METTL16: variants seen among roughly 807,000 people sequenced by gnomAD.
The protein encoded by METTL16 is methyltransferase 16, RNA N6-adenosine.
Under a neutral mutation model 57.9 loss-of-function variants are expected in METTL16, and 19 were observed. That is an observed-to-expected ratio of 0.33 (90% confidence interval 0.23 to 0.48). METTL16 has a LOEUF of 0.48. Among genes scored for constraint, METTL16 ranks in the 20% least tolerant of loss-of-function variants. The pLI is 0.99. For missense variants in METTL16, 434 were observed against 691.5 expected (o/e 0.63, Z 4.18); for synonymous variants, 246 against 255.6 (o/e 0.96, Z 0.36).
intron 2 of METTL16, among the ~76,000 whole-genome samples, chr17:2,484,827 T>C (rs573152936): frequency 1.3e-5 from 2 of 152,176 alleles, no homozygotes; most frequent in Non-Finnish European, 2.9e-5. Context: ...TTGTGTGGAT[T>C]TGCCAGCCCG....
chr17:2,465,315 G>A (rs931727950), intron 5 of METTL16, among the ~76,000 whole-genome samples: 3 of 151,202 alleles, frequency 2.0e-5, no homozygotes, highest in Non-Finnish European at 4.4e-5. Context: ...AGGCCGAGGC[G>A]GGAGGATCAC....
rs547538932 is a variant in METTL16, at chr17:2,504,637, C to T, written c.1-2306G>A. 7.2e-5 allele frequency among the ~76,000 whole-genome samples: 11 copies of T among 152,298 alleles called. No homozygotes were observed. The East Asian group carries it at 2.1e-3, about 29-fold the overall frequency. On this transcript the variant is annotated intron_variant, in intron 1 of 9. Transcript: ENST00000263092. ...GTAGCACAATCATACCTCACTGCAG[C>T]CTCAATCTCCCATGCTCAAACAGTC... is the stretch of plus-strand genomic sequence containing the variant.
intron 5 of METTL16, among the ~76,000 whole-genome samples, chr17:2,466,701 A>T (rs1364116364): frequency 6.6e-6 from 1 of 152,204 alleles, no homozygotes; most frequent in African/African-American, 2.4e-5. Flanking sequence ...AATAATTCCT[A>T]GATTAGTTAT....
intron 3 of METTL16, among the ~76,000 whole-genome samples, chr17:2,474,751 C>A (rs2067258505): frequency 6.6e-6 from 1 of 152,172 alleles, no homozygotes; most frequent in South Asian, 2.1e-4. Context: ...CATGGTGAAA[C>A]CCCATCTCTA....
At chr17:2,466,329 A>T (rs2067196202) in intron 5 of METTL16, among the ~76,000 whole-genome samples, 1 of 152,098 alleles carries the variant, frequency 6.6e-6, no homozygotes, top group South Asian at 2.1e-4. Flanking sequence ...TGGTTTAGGG[A>T]AGAAAAAAGC....
chr17:2,497,509 C>T (rs2067455396), intron 2 of METTL16, among the ~76,000 whole-genome samples: 1 of 150,982 alleles, frequency 6.6e-6, no homozygotes, highest in Non-Finnish European at 1.5e-5. Flanking sequence ...GAAGGGGTCT[C>T]TCCATGTTGC....
chr17:2,486,356 A>T (rs1423690411), intron 2 of METTL16, among the ~76,000 whole-genome samples: 1 of 150,718 alleles, frequency 6.6e-6, no homozygotes, highest in Non-Finnish European at 1.5e-5. Flanking sequence ...ATTGCAACTT[A>T]CGCCTCCCGG....
At position 2,419,113 on chromosome 17, in the gene METTL16, A is replaced by G. The variant is rs1002629172; in HGVS notation, c.*857T>C. 9 of 156,142 alleles carry G rather than the reference A, an allele frequency of 5.8e-5. No homozygotes were observed. The highest frequency in any genetic ancestry group is 1.9e-4 in the African/African-American group (8 of 41,460). 9.7% of individuals were successfully genotyped at this position (156,142 alleles called of 1,614,324 possible). ...CTATTTTGTTCTATTTCTCATTTCT[A>G]TCATCAGCCGCTCACTCAGCTAACC... On this transcript the variant is annotated 3_prime_UTR_variant, in exon 10 of 10. Transcript: ENST00000263092.
chr17:2,447,295 G>A (rs569419778), intron 6 of METTL16, among the ~76,000 whole-genome samples: 8 of 144,858 alleles, frequency 5.5e-5, no homozygotes, highest in Admixed American at 6.7e-5. Flanking sequence ...GGTGAGGAGC[G>A]TCTCTGCCCG....
At chr17:2,493,315 TC>T (rs968867768) in intron 2 of METTL16, among the ~76,000 whole-genome samples, 16 of 151,538 alleles carry the variant, frequency 1.1e-4, no homozygotes, top group African/African-American at 3.9e-4. Context: ...AGTCTTGATC[TC>T]CTGACCTCAT....
At chr17:2,444,654 C>G (rs2066980869) in intron 6 of METTL16, among the ~76,000 whole-genome samples, 1 of 151,730 alleles carries the variant, frequency 6.6e-6, no homozygotes, top group Non-Finnish European at 1.5e-5. Context: ...CTGACTCACA[C>G]AGAGCAGCTT....
At chr17:2,454,658 G>A (rs1345878515) in intron 6 of METTL16, among the ~76,000 whole-genome samples, 1 of 148,828 alleles carries the variant, frequency 6.7e-6, no homozygotes, top group African/African-American at 2.5e-5. Flanking sequence ...ACTGTCTCCT[G>A]GGTTCAAGCA....
intron 2 of METTL16, among the ~76,000 whole-genome samples, chr17:2,494,053 T>C (rs539481897): frequency 1.3e-5 from 2 of 152,236 alleles, no homozygotes; most frequent in Admixed American, 1.3e-4. Flanking sequence ...TAATTTCTTT[T>C]CTTTTTGTTT....
rs2066722419 is a variant in METTL16 at position 2,417,058 on chromosome 17, C to CCTTTTTTTTTTT, written c.*2911_*2912insAAAAAAAAAAAG. ...TGAAAGCTGGCCTGCTCATGGGTTC[C>CCTTTTTTTTTTT]TTTTTTTTTTTTTTTTTTTTTTTTT... On this transcript the variant is annotated 3_prime_UTR_variant, in exon 10 of 10. Transcript: ENST00000263092. 1 of 61,534 alleles carries CCTTTTTTTTTTT rather than the reference C, an allele frequency of 1.6e-5. No individual in the cohort carries two copies. Among genetic ancestry groups the CCTTTTTTTTTTT allele is most frequent in the Non-Finnish European group, 2.8e-5 (1 of 35,662 alleles). 3.8% of individuals were successfully genotyped at this position (61,534 alleles called of 1,614,324 possible).
chr17:2,433,589 G>C (rs982349648), intron 8 of METTL16, among the ~76,000 whole-genome samples: 2 of 152,214 alleles, frequency 1.3e-5, no homozygotes, highest in African/African-American at 4.8e-5. Context: ...TGTGAAATCA[G>C]ACTCATCTGG....
intron 6 of METTL16, among the ~76,000 whole-genome samples, chr17:2,454,886 A>T (rs961326659): frequency 1.3e-5 from 2 of 151,686 alleles, no homozygotes; most frequent in East Asian, 3.9e-4. Flanking sequence ...TATAACAAGC[A>T]AGTGGAACCA....
Position 2,420,352 on chromosome 17 carries a change from A to G in METTL16, c.1307T>C (p.Leu436Pro), listed in dbSNP as rs377757053. 7 of 1,611,812 alleles carry G rather than the reference A, an allele frequency of 4.3e-6. No individual in the cohort carries two copies. In the African/African-American group the frequency reaches 9.3e-5, roughly 22 times the overall value. ...PQERTPCGPALREGEAAAVEG... is the reference protein window; with the variant it reads ...PQERTPCGPAPREGEAAAVEG... ...CACAGCGGCAGCCTCGCCTTCCCGCAGAGCAGGCCCACAGGGGGTCCTCTC... is the reference window on the plus strand; with the variant it reads ...CACAGCGGCAGCCTCGCCTTCCCGCGGAGCAGGCCCACAGGGGGTCCTCTC... Residue 436 changes from leucine to proline, a missense_variant, in exon 10 of 10, where the codon CTG becomes CCG. Around this residue, in one of 5 missense-constraint regions of METTL16, gnomAD observed 168 missense variants for 149.6 expected, o/e 1.12. Transcript: ENST00000263092. The surrounding 1 kb of genome is among the most constrained non-coding windows in gnomAD (Gnocchi z 5.4).
At chr17:2,423,542 GGT>G (rs1305001798) in intron 8 of METTL16, among the ~76,000 whole-genome samples, 1 of 152,080 alleles carries the variant, frequency 6.6e-6, no homozygotes, top group Non-Finnish European at 1.5e-5. Context: ...GTATTAAGCC[GGT>G]GTGTGGGAGG....
intron 2 of METTL16, among the ~76,000 whole-genome samples, chr17:2,495,556 G>A (rs545106772): frequency 1.3e-5 from 2 of 151,598 alleles, no homozygotes; most frequent in Non-Finnish European, 2.9e-5. Flanking sequence ...TTAGCCAGGT[G>A]TGGTTGTGCG....
Sources: gnomAD v4.1 joint callset for allele counts (sites outside exome capture counted in the v4.1 genomes callset) on GRCh38, gnomAD v4.1.1 for gene constraint, gnomAD v4.1.1 regional missense constraint, Gnocchi (gnomAD v3.1) non-coding constraint, MANE v1.5 for transcripts, NCBI Gene and HGNC (gene_info 2026-07-23, HGNC 2026-07-21) for gene names.